IPMK: variants seen among roughly 807,000 people sequenced by gnomAD.
IPMK encodes the protein inositol polyphosphate multikinase, also known as inositol 1,3,4,6-tetrakisphosphate 5-kinase.
In IPMK, 17 loss-of-function variants were observed where a neutral mutation model predicts 45.8. That is an observed-to-expected ratio of 0.37 (90% confidence interval 0.25 to 0.56). The LOEUF (loss-of-function observed/expected upper bound fraction) is 0.56, where lower values mean the gene tolerates loss of function less well. Ranked by LOEUF, IPMK falls within the 20% of genes least tolerant of loss-of-function variation. The pLI, the probability that IPMK is intolerant of heterozygous loss-of-function variation, is 0.79. For missense variants in IPMK, 399 were observed against 498.0 expected (o/e 0.80, Z 1.89); for synonymous variants, 180 against 184.3 (o/e 0.98, Z 0.19).
chr10:58,191,822 G>A lies in IPMK; in HGVS notation c.*4254C>T, dbSNP rs949780902. The A allele has an allele frequency of 3.3e-5, 5 of 151,968 alleles. No individual in the cohort carries two copies. Among genetic ancestry groups the A allele is most frequent in the African/African-American group, 1.2e-4 (5 of 41,404 alleles). 9.4% of individuals were successfully genotyped at this position (151,968 alleles called of 1,614,324 possible). On this transcript the variant is annotated 3_prime_UTR_variant, in exon 6 of 6. Transcript: ENST00000373935. ...ATAGTCACTAATAACACAATTTTAG[G>A]TGCAATTTCACATGCTTTCATAAAT...
intron 4 of IPMK, among the ~76,000 whole-genome samples, chr10:58,208,885 C>T (rs969645987): frequency 6.6e-6 from 1 of 152,162 alleles, no homozygotes; most frequent in African/African-American, 2.4e-5. Context: ...GGCCAAAGTC[C>T]CAGCCTTGAT....
At chr10:58,246,986 T>C (rs1375456478) in intron 1 of IPMK, among the ~76,000 whole-genome samples, 1 of 149,706 alleles carries the variant, frequency 6.7e-6, no homozygotes, top group East Asian at 2.0e-4. Flanking sequence ...CATCAAAAAG[T>C]AGGCAAAGGA....
At chr10:58,266,879 A>C (rs532638452) in intron 1 of IPMK, among the ~76,000 whole-genome samples, 1 of 151,828 alleles carries the variant, frequency 6.6e-6, no homozygotes, top group East Asian at 1.9e-4. Context: ...CACCAGAAAA[A>C]CCTCCTCAAG....
intron 2 of IPMK, among the ~76,000 whole-genome samples, chr10:58,233,918 C>T (rs1838567906): frequency 6.6e-6 from 1 of 152,058 alleles, no homozygotes; most frequent in South Asian, 2.1e-4. Flanking sequence ...TTTAGAAAAC[C>T]CCATCGTCTC....
intron 1 of IPMK, among the ~76,000 whole-genome samples, chr10:58,253,423 T>C (rs1838914329): frequency 6.6e-6 from 1 of 152,122 alleles, no homozygotes; most frequent in African/African-American, 2.4e-5. Flanking sequence ...ATCCTTCCTT[T>C]GTGTTTGAAA....
At chr10:58,199,433 A>G (rs1211748330) in intron 4 of IPMK, 112 bp from the exon 5 acceptor site, 2 of 573,060 alleles carry the variant, frequency 3.5e-6, no homozygotes, top group Non-Finnish European at 5.7e-6. Context: ...TCATTCTAAT[A>G]GATTTGAGAA....
At chr10:58,243,024 A>G (rs1483012819) in intron 1 of IPMK, among the ~76,000 whole-genome samples, 1 of 151,928 alleles carries the variant, frequency 6.6e-6, no homozygotes, top group Non-Finnish European at 1.5e-5. Flanking sequence ...CTCCCCACCC[A>G]TGCCTCCTCT....
intron 1 of IPMK, among the ~76,000 whole-genome samples, chr10:58,261,850 C>T (rs1213252562): frequency 6.6e-6 from 1 of 152,198 alleles, no homozygotes; most frequent in Admixed American, 6.5e-5. Flanking sequence ...AGGCATGAGC[C>T]ACCGTGCCCA....
intron 4 of IPMK, among the ~76,000 whole-genome samples, chr10:58,207,719 T>C (rs1838091432): frequency 6.6e-6 from 1 of 152,134 alleles, no homozygotes; most frequent in Admixed American, 6.5e-5. Context: ...GCTCCAGTGT[T>C]AGGTGCATAT....
intron 3 of IPMK, among the ~76,000 whole-genome samples, chr10:58,221,859 C>T (rs189577406): frequency 4.3e-4 from 66 of 152,030 alleles, no homozygotes; most frequent in Admixed American, 1.9e-3. Flanking sequence ...AGCAATTCTG[C>T]TGCCTCAGCC....
At chr10:58,241,568 T>C (rs1042095347) in intron 1 of IPMK, among the ~76,000 whole-genome samples, 1 of 152,150 alleles carries the variant, frequency 6.6e-6, no homozygotes, top group South Asian at 2.1e-4. Flanking sequence ...TGCCATAGAC[T>C]GAGCAGCTTA....
At chr10:58,247,356 G>A (rs547159131) in intron 1 of IPMK, among the ~76,000 whole-genome samples, 435 of 151,394 alleles carry the variant, frequency 2.9e-3, no homozygotes, top group African/African-American at 8.6e-3. Flanking sequence ...ACATGCACAC[G>A]TATGTTTATC....
intron 1 of IPMK, among the ~76,000 whole-genome samples, chr10:58,259,737 G>A (rs914735693): frequency 1.3e-5 from 2 of 149,664 alleles, no homozygotes; most frequent in Non-Finnish European, 2.9e-5. Context: ...CTACTCAGGA[G>A]GCTTCGGTGG....
chr10:58,229,868 AG>A (rs1463649516), intron 2 of IPMK, among the ~76,000 whole-genome samples: 3 of 152,000 alleles, frequency 2.0e-5, no homozygotes, highest in Non-Finnish European at 4.4e-5. Flanking sequence ...GTCCCTCACC[AG>A]GGAAGCACAA....
At chr10:58,244,367 G>A (rs1838758537) in intron 1 of IPMK, among the ~76,000 whole-genome samples, 1 of 147,086 alleles carries the variant, frequency 6.8e-6, no homozygotes, top group African/African-American at 2.6e-5. Flanking sequence ...CCTCTGGGAA[G>A]TGGGGGGTGC....
At chr10:58,261,528 C>T (rs999298184) in intron 1 of IPMK, among the ~76,000 whole-genome samples, 4 of 150,310 alleles carry the variant, frequency 2.7e-5, no homozygotes, top group Non-Finnish European at 5.9e-5. Context: ...ACTACTACTG[C>T]GAAAAGGGAG....
chr10:58,228,148 A>G (rs551662865), intron 2 of IPMK, among the ~76,000 whole-genome samples: 2 of 152,304 alleles, frequency 1.3e-5, no homozygotes, highest in African/African-American at 4.8e-5. Context: ...GTATACCTGA[A>G]CGTCCCTCTA....
chr10:58,210,013 T>C (rs181547276), intron 4 of IPMK, among the ~76,000 whole-genome samples: 2 of 152,110 alleles, frequency 1.3e-5, no homozygotes, highest in African/African-American at 4.8e-5. Context: ...CAAGAGTTTA[T>C]GTCTTATCAG....
intron 4 of IPMK, among the ~76,000 whole-genome samples, chr10:58,204,685 C>T: frequency 6.6e-6 from 1 of 152,012 alleles, no homozygotes; most frequent in East Asian, 1.9e-4. Flanking sequence ...GTGTCAATTA[C>T]TTGGGAGGCT....
Sources: gnomAD v4.1 joint callset for allele counts (sites outside exome capture counted in the v4.1 genomes callset) on GRCh38, gnomAD v4.1.1 for gene constraint, MANE v1.5 for transcripts, NCBI Gene and HGNC (gene_info 2026-07-23, HGNC 2026-07-21) for gene names.